Variants in MRPS23 observed in about 807,000 individuals in gnomAD.
MRPS23 encodes the protein mitochondrial ribosomal protein S23.
Under a neutral mutation model 19.8 loss-of-function variants are expected in MRPS23, and 14 were observed. The ratio of observed to expected loss-of-function variants is 0.71; its 90% confidence interval spans 0.47 to 1.11. The LOEUF (loss-of-function observed/expected upper bound fraction) is 1.11. Ranked by LOEUF, MRPS23 falls within the 50% of genes least tolerant of loss-of-function variation. MRPS23 has a pLI of 0.00. For synonymous variants in MRPS23, 113 were observed against 89.7 expected (o/e 1.26, Z -1.47); for missense variants, 242 against 236.7 (o/e 1.02, Z -0.15).
At position 57,835,952 on chromosome 17, in the gene MRPS23, C is replaced by CTTTTTTTTTTTTTTTTTT. The variant is rs11304363; in HGVS notation, c.*3813_*3830dup. On this transcript the variant is annotated 3_prime_UTR_variant, in exon 5 of 5. Transcript: ENST00000313608. ...ATAAGAATTTCTGCCCTCCTTTATA[C>CTTTTTTTTTTTTTTTTTT]TTTTTTTTTTTTTTTTTTTGAGACA... 4 of 135,256 alleles carry CTTTTTTTTTTTTTTTTTT rather than the reference C, an allele frequency of 3.0e-5. 2 individuals carry two copies. The highest frequency in any genetic ancestry group is 6.4e-5 in the Non-Finnish European group (4 of 62,630). 8.4% of individuals were successfully genotyped at this position (135,256 alleles called of 1,614,324 possible).
Position 57,840,937 on chromosome 17 carries a change from C to T in MRPS23, c.409G>A (p.Glu137Lys), listed in dbSNP as rs765757731. 7 of 1,614,118 alleles carry T rather than the reference C, an allele frequency of 4.3e-6. No homozygotes were observed. The highest frequency in any genetic ancestry group is 1.7e-5 in the Admixed American group (1 of 60,002). ...AATGAAATACTCACAGTCCTTGCTTCGCCTACTCGTCTTAAAATGACACCT... is the reference window on the plus strand; with the variant it reads ...AATGAAATACTCACAGTCCTTGCTTTGCCTACTCGTCTTAAAATGACACCT... ...AEGVILRRVG[E>K]ARTQHGGSHV... The change falls in exon 4 of 5, where the codon GAA (glutamate) becomes AAA (lysine). Residue 137 changes from glutamate (E) to lysine (K), a missense_variant. Transcript: ENST00000313608.
In MRPS23 at chr17:57,837,630, A is replaced by C. The variant is rs1568014082; in HGVS notation, c.*2153T>G. The C allele has an allele frequency of 6.6e-6, 1 of 152,228 alleles. No individual in the cohort carries two copies. Among genetic ancestry groups the C allele is most frequent in the African/African-American group, 2.4e-5 (1 of 41,458 alleles). The allele number at this position is 152,228 out of a possible 1,614,324, so 9.4% of individuals were successfully genotyped here. On this transcript the variant is annotated 3_prime_UTR_variant, in exon 5 of 5. Transcript: ENST00000313608. ...TACTGTTAAGTTTTGAACCATGTGC[A>C]TGTATAATTTTTTTAAAGAATTATG...
At chr17:57,847,925 G>A (rs2073787231) in intron 2 of MRPS23, among the ~76,000 whole-genome samples, 1 of 151,914 alleles carries the variant, frequency 6.6e-6, no homozygotes, top group African/African-American at 2.4e-5. Context: ...TCGAACTCCT[G>A]AGCTCAGGCA....
At chr17:57,846,071 T>G (rs2073770821) in intron 2 of MRPS23, among the ~76,000 whole-genome samples, 2 of 134,490 alleles carry the variant, frequency 1.5e-5, no homozygotes, top group African/African-American at 5.6e-5. Context: ...CCCAAAGAAG[T>G]GTGACATCTT....
At chr17:57,846,764 A>G (rs200233043) in intron 2 of MRPS23, among the ~76,000 whole-genome samples, 68 of 152,206 alleles carry the variant, frequency 4.5e-4, no homozygotes, top group East Asian at 4.3e-3. Flanking sequence ...AGTACCCAGG[A>G]ACACAAACAC....
chr17:57,842,295 T>C (rs1404318864), intron 2 of MRPS23, among the ~76,000 whole-genome samples: 2 of 152,242 alleles, frequency 1.3e-5, no homozygotes, highest in Non-Finnish European at 2.9e-5. Flanking sequence ...CTTACAGGCA[T>C]GAGCCATTGT....
intron 2 of MRPS23, among the ~76,000 whole-genome samples, chr17:57,844,775 C>CA (rs570457265): frequency 5.6e-4 from 55 of 98,986 alleles, no homozygotes; most frequent in African/African-American, 1.1e-3. Flanking sequence ...GACTCCATCT[C>CA]AAAAAAAAAA....
chr17:57,841,522 A>T (rs889668842), intron 2 of MRPS23, among the ~76,000 whole-genome samples: 5 of 152,218 alleles, frequency 3.3e-5, no homozygotes, highest in African/African-American at 1.2e-4. Flanking sequence ...TTCCCTTCCC[A>T]GGAAGCAACA....
chr17:57,837,963 A>T lies in MRPS23; in HGVS notation c.*1820T>A, dbSNP rs2073716147. 1 of 151,590 alleles carries T rather than the reference A, an allele frequency of 6.6e-6. No homozygotes were observed. The highest frequency in any genetic ancestry group is 6.6e-5 in the Admixed American group (1 of 15,184). The allele number at this position is 151,590 out of a possible 1,614,324, so 9.4% of individuals were successfully genotyped here. Reference sequence around the variant, plus strand: ...TGCACCCAGCCTGGGTAACACAGTGAGACCCCCATCTCCTAAAACAAAATT... The same window carrying T: ...TGCACCCAGCCTGGGTAACACAGTGTGACCCCCATCTCCTAAAACAAAATT... On this transcript the variant is annotated 3_prime_UTR_variant, in exon 5 of 5. Coordinates refer to ENST00000313608, the MANE Select transcript of MRPS23 (RefSeq NM_016070.4).
intron 2 of MRPS23, among the ~76,000 whole-genome samples, chr17:57,842,899 CACA>C (rs2073749738): frequency 7.3e-6 from 1 of 137,546 alleles, no homozygotes; most frequent in South Asian, 2.4e-4. Context: ...TATACACACA[CACA>C]CACACACACA....
In MRPS23 at chr17:57,841,850, G is replaced by A. The variant is rs555204146; in HGVS notation, c.216-590C>T. 1.4e-4 allele frequency among the ~76,000 whole-genome samples: 22 copies of A among 152,280 alleles called. No homozygotes were observed. In the South Asian group the frequency reaches 4.6e-3, roughly 32 times the overall value. On this transcript the variant is annotated intron_variant, in intron 2 of 4. Coordinates refer to ENST00000313608, the MANE Select transcript of MRPS23 (RefSeq NM_016070.4). The stretch of plus-strand genomic sequence containing the variant: ...TAGTCACAGCTACTTGGGAGGGTTA[G>A]GTGGGAGAATCACTTGAACCCAGGA...
intron 2 of MRPS23, among the ~76,000 whole-genome samples, chr17:57,845,222 G>A (rs1386705314): frequency 6.6e-6 from 1 of 152,158 alleles, no homozygotes; most frequent in Non-Finnish European, 1.5e-5. Context: ...GAACCACAAA[G>A]TGCATGCAAT....
rs2073706234 is a variant in MRPS23 at position 57,836,420 on chromosome 17, C to T, written c.*3363G>A. 1 of 152,176 alleles carries T rather than the reference C, an allele frequency of 6.6e-6. No individual in the cohort carries two copies. The highest frequency in any genetic ancestry group is 1.9e-4 in the East Asian group (1 of 5,198). The allele number at this position is 152,176 out of a possible 1,614,324, so 9.4% of individuals were successfully genotyped here. ...ATATTATGTATTTTCCGAGCACAGA[C>T]AGCATTTGAAAACGGCACGGAAGGT... On this transcript the variant is annotated 3_prime_UTR_variant, in exon 5 of 5. Transcript: ENST00000313608.
chr17:57,841,151 A>G (rs1338747839), intron 3 of MRPS23, 32 bp downstream of exon 3: 2 of 1,609,668 alleles, frequency 1.2e-6, no homozygotes, highest in Non-Finnish European at 1.7e-6. Context: ...AAAAAATAAT[A>G]TGAATAGCCT....
At chr17:57,849,898 G>A (rs2144881574) in intron 1 of MRPS23, 69 bp downstream of exon 1, 3 of 1,531,638 alleles carry the variant, frequency 2.0e-6, no homozygotes, top group Non-Finnish European at 2.6e-6. Context: ...CTCCAAGGAA[G>A]AGCGTGACCG....
At chr17:57,846,414 A>G (rs945934563) in intron 2 of MRPS23, among the ~76,000 whole-genome samples, 1 of 151,972 alleles carries the variant, frequency 6.6e-6, no homozygotes, top group Non-Finnish European at 1.5e-5. Context: ...ATCTGGGAGG[A>G]GTACCCAACA....
At chr17:57,841,783 T>TA (rs34012466) in intron 2 of MRPS23, among the ~76,000 whole-genome samples, 34,350 of 151,912 alleles carry the variant, frequency 0.23, 4,284 homozygotes, top group Non-Finnish European at 0.29. Context: ...CCATCTCTAC[T>TA]AAAAATACAA....
chr17:57,849,109 T>C, intron 2 of MRPS23, 131 bp downstream of exon 2: 1 of 1,148,854 alleles, frequency 8.7e-7, no homozygotes, highest in Non-Finnish European at 1.2e-6. Flanking sequence ...GCCTCCCTAA[T>C]TTGGCTAGAT....
Position 57,839,585 on chromosome 17 carries a change from C to T in MRPS23, c.*198G>A. 4.0e-6 allele frequency: 2 copies of T among 499,088 alleles called. No individual in the cohort carries two copies. The highest frequency in any genetic ancestry group is 6.8e-6 in the Non-Finnish European group (2 of 294,652). 30.9% of individuals were successfully genotyped at this position (499,088 alleles called of 1,614,324 possible). A position where few individuals can be genotyped will look rare whatever the true frequency, so the allele number is the denominator to read the frequency against. ...TAGGGAATTCTTTATTTAGTAATGT[C>T]CTAACATAAAAGTTCACATAACTGC... On this transcript the variant is annotated 3_prime_UTR_variant, in exon 5 of 5. Coordinates refer to ENST00000313608, the MANE Select transcript of MRPS23 (RefSeq NM_016070.4).
Sources: allele counts gnomAD v4.1 joint callset (sites outside exome capture counted in the v4.1 genomes callset), GRCh38; gene constraint gnomAD v4.1.1; transcripts MANE v1.5; gene names NCBI Gene and HGNC (gene_info 2026-07-23, HGNC 2026-07-21).